The following NAA25 variants were observed in gnomAD, a reference collection of about 807,000 sequenced individuals.
NAA25 encodes N-terminal acetyltransferase B complex subunit NAA25.
Under a neutral mutation model 132.5 loss-of-function variants are expected in NAA25, and 30 were observed. The observed-to-expected ratio is 0.23, with a 90% CI of 0.17 to 0.31. The LOEUF is 0.31. Among genes scored for constraint, NAA25 ranks in the 10% least tolerant of loss-of-function variants. The probability of loss-of-function intolerance (pLI) is 1.00; values close to 1 mark genes in which losing one functional copy is unlikely to be tolerated. For synonymous variants in NAA25, 359 were observed against 401.9 expected, an observed-to-expected ratio of 0.89 and a Z score of 1.28; for missense variants, 771 against 1,150.4, an observed-to-expected ratio of 0.67 and a Z score of 4.77.
At chr12:112,072,196 G>A (rs367707790) in intron 9 of NAA25, 132 bp from the exon 10 acceptor site, 10 of 682,994 alleles carry the variant, frequency 1.5e-5, no homozygotes, top group South Asian at 1.1e-4. Context: ...AGGAATAAAA[G>A]AGAACTATGA....
intron 1 of NAA25, among the ~76,000 whole-genome samples, chr12:112,102,718 G>A (rs563807968): frequency 3.5e-5 from 4 of 115,222 alleles, no homozygotes. Context: ...ATGGAGTCTC[G>A]CACTGGAGCC....
intron 23 of NAA25, 41 bp from the exon 24 acceptor site, chr12:112,029,694 A>G: frequency 2.5e-6 from 4 of 1,595,220 alleles, no homozygotes; most frequent in Non-Finnish European, 3.4e-6. Context: ...TTGTTTAAAA[A>G]CCATCCCCCC....
chr12:112,053,590 C>A lies in NAA25; in HGVS notation c.1696G>T (p.Ala566Ser), dbSNP rs1389190723. ...YAAASQSCNF[A>S]LRFFHSNQKD... ...TGGTTGGAGTGAAAAAACCTGAGTG[C>A]GAAGTTACAGGATTGGGACGCAGCA... Residue 566 changes from alanine (A) to serine (S), a missense_variant, in exon 15 of 24, where the codon GCA (alanine) becomes TCA (serine). Around this residue, in one of 3 missense-constraint regions of NAA25, gnomAD observed 417 missense variants for 733.8 expected, o/e 0.57. Coordinates refer to ENST00000261745, the MANE Select transcript of NAA25 (RefSeq NM_024953.4). The A allele has an allele frequency of 3.7e-6, 6 of 1,607,232 alleles. No homozygotes were observed. Among genetic ancestry groups the A allele is most frequent in the Non-Finnish European group, 4.2e-6 (5 of 1,176,502 alleles).
chr12:112,031,229 C>T (rs1295475897), intron 23 of NAA25, among the ~76,000 whole-genome samples: 1 of 152,182 alleles, frequency 6.6e-6, no homozygotes, highest in Non-Finnish European at 1.5e-5. Context: ...CTAGAGGTCA[C>T]AGTCCAGAGG....
At chr12:112,064,604 T>C (rs2078687247) in intron 11 of NAA25, among the ~76,000 whole-genome samples, 1 of 152,212 alleles carries the variant, frequency 6.6e-6, no homozygotes, top group South Asian at 2.1e-4. Context: ...CCATTTTATA[T>C]ATTAGTTAGG....
chr12:112,108,777 G>A lies in NAA25; in HGVS notation c.-4C>T. 6.6e-7 allele frequency: 1 copy of A among 1,518,056 alleles called. No homozygotes were observed. The highest frequency in any genetic ancestry group is 1.2e-5 in the South Asian group (1 of 80,998). 94.0% of individuals were successfully genotyped at this position (1,518,056 alleles called of 1,614,324 possible). ...GCACATGGCCCCGCGTCGCCATGATGACAAGCGCAGAACCACAGTGCGCAC... is the reference window on the plus strand; with the variant it reads ...GCACATGGCCCCGCGTCGCCATGATAACAAGCGCAGAACCACAGTGCGCAC... On this transcript the variant is annotated 5_prime_UTR_variant, in exon 1 of 24. Coordinates refer to ENST00000261745, the MANE Select transcript of NAA25 (RefSeq NM_024953.4).
chr12:112,074,796 T>G (rs924389604), intron 8 of NAA25, 32 bp from the exon 9 acceptor site: 2 of 1,386,372 alleles, frequency 1.4e-6, no homozygotes, highest in African/African-American at 2.9e-5. Flanking sequence ...CACACAGGAT[T>G]AAACCCAAGT....
chr12:112,094,022 G>A (rs556883035), intron 1 of NAA25, among the ~76,000 whole-genome samples: 11 of 151,938 alleles, frequency 7.2e-5, no homozygotes, highest in South Asian at 4.2e-4. Flanking sequence ...GGTGGATCAC[G>A]AAGTCAGGAG....
chr12:112,104,754 T>C (rs2079337742), intron 1 of NAA25, among the ~76,000 whole-genome samples: 1 of 151,106 alleles, frequency 6.6e-6, no homozygotes, highest in Non-Finnish European at 1.5e-5. Flanking sequence ...GAGAATGGCG[T>C]GAACCCGGAA....
intron 11 of NAA25, among the ~76,000 whole-genome samples, chr12:112,063,428 AGTCAG>A (rs1352871642): frequency 6.6e-6 from 1 of 152,208 alleles, no homozygotes; most frequent in African/African-American, 2.4e-5. Context: ...CCAGAGACAG[AGTCAG>A]AGACAGCAGT....
At chr12:112,100,842 T>C (rs1446250830) in intron 1 of NAA25, among the ~76,000 whole-genome samples, 1 of 151,918 alleles carries the variant, frequency 6.6e-6, no homozygotes, top group Non-Finnish European at 1.5e-5. Context: ...ATAGTCTCGA[T>C]CTCCTGACCT....
intron 12 of NAA25, 97 bp downstream of exon 12, chr12:112,061,084 A>C: frequency 1.1e-6 from 1 of 907,466 alleles, no homozygotes; most frequent in Non-Finnish European, 1.7e-6. Context: ...CTCCTTACAA[A>C]ACTCATTAAA....
intron 23 of NAA25, among the ~76,000 whole-genome samples, chr12:112,030,210 CA>C (rs67757055): frequency 0.017 from 911 of 53,362 alleles, 7 homozygotes; most frequent in African/African-American, 0.061. Flanking sequence ...AAAGCTGTCT[CA>C]AAAAAAAAAA....
At chr12:112,102,234 A>G (rs1186518813) in intron 1 of NAA25, among the ~76,000 whole-genome samples, 1 of 152,062 alleles carries the variant, frequency 6.6e-6, no homozygotes, top group African/African-American at 2.4e-5. Context: ...CTAGCCAGGC[A>G]TGGTGGCATG....
intron 15 of NAA25, among the ~76,000 whole-genome samples, chr12:112,053,292 C>G (rs2078493891): frequency 6.6e-6 from 1 of 152,150 alleles, no homozygotes; most frequent in Admixed American, 6.6e-5. Flanking sequence ...AAAGCCAGGT[C>G]TAAGAGGACT....
At chr12:112,044,609 G>T (rs1463815107) in intron 17 of NAA25, among the ~76,000 whole-genome samples, 4 of 152,010 alleles carry the variant, frequency 2.6e-5, no homozygotes, top group African/African-American at 9.7e-5. Context: ...GGCGGAGCTT[G>T]CAGTGAGCCA....
Position 112,052,869 on chromosome 12 carries a change from G to A in NAA25, c.1728+689C>T, listed in dbSNP as rs146250820. Among the ~76,000 whole-genome samples, 711 of 152,324 alleles carry A rather than the reference G, an allele frequency of 4.7e-3. 7 individuals are homozygous for A. Among genetic ancestry groups the A allele is most frequent in the African/African-American group, 0.016 (650 of 41,584 alleles). ...AACCAAGTAGGCAGTGACCACCCTG[G>A]AGACATTCCTTTTCTTCACATTCAT... On this transcript the variant is annotated intron_variant, in intron 15 of 23. Coordinates refer to ENST00000261745, the MANE Select transcript of NAA25 (RefSeq NM_024953.4).
intron 4 of NAA25, among the ~76,000 whole-genome samples, chr12:112,082,030 C>T (rs1005612922): frequency 3.9e-5 from 6 of 152,144 alleles, no homozygotes; most frequent in Non-Finnish European, 7.3e-5. Flanking sequence ...GCTGGCAGAT[C>T]ATCTGAGGTC....
At chr12:112,035,324 C>T (rs2078209301) in intron 22 of NAA25, 1 of 152,156 alleles carries the variant, frequency 6.6e-6, no homozygotes. Flanking sequence ...TACTTTCAAA[C>T]TTTGCCCTCC....
Sources: gnomAD v4.1 joint callset for allele counts (sites outside exome capture counted in the v4.1 genomes callset) on GRCh38, gnomAD v4.1.1 for gene constraint, gnomAD v4.1.1 regional missense constraint, MANE v1.5 for transcripts, NCBI Gene and HGNC (gene_info 2026-07-23, HGNC 2026-07-21) for gene names.